Variants in CTBP2 observed in about 807,000 individuals in gnomAD.
CTBP2 encodes C-terminal-binding protein 2.
Under a neutral mutation model 80.3 loss-of-function variants are expected in CTBP2, and 30 were observed. The ratio of observed to expected loss-of-function variants is 0.37; its 90% CI spans 0.28 to 0.51. The LOEUF is 0.51. Among genes scored for constraint, CTBP2 ranks in the 20% least tolerant of loss-of-function variants. The pLI, the probability that CTBP2 is intolerant of heterozygous loss-of-function variation, is 0.93. For synonymous variants in CTBP2, 594 were observed against 587.4 expected (o/e 1.01, Z -0.16); for missense variants, 1,212 against 1,375.3 (o/e 0.88, Z 1.88).
chr10:125,107,054 G>T (rs980440444), intron 2 of CTBP2, among the ~76,000 whole-genome samples: 2 of 152,228 alleles, frequency 1.3e-5, no homozygotes, highest in Non-Finnish European at 1.5e-5. Flanking sequence ...TTATCCTTGG[G>T]GGGTGGAGGG....
At chr10:125,085,062 CT>C (rs1847776697) in intron 2 of CTBP2, among the ~76,000 whole-genome samples, 1 of 152,224 alleles carries the variant, frequency 6.6e-6, no homozygotes, top group Admixed American at 6.5e-5. Context: ...CACTCCAGGT[CT>C]TGGCTCATGA....
chr10:125,081,119 C>T (rs367944162), intron 2 of CTBP2, among the ~76,000 whole-genome samples: 30 of 152,260 alleles, frequency 2.0e-4, no homozygotes, highest in African/African-American at 6.0e-4. Flanking sequence ...TGAGCATTCC[C>T]GCCCAAAGTG....
At chr10:125,098,708 C>CAGAGAG (rs1850045599) in intron 2 of CTBP2, among the ~76,000 whole-genome samples, 2 of 65,698 alleles carry the variant, frequency 3.0e-5, no homozygotes, top group African/African-American at 7.0e-5. Context: ...GAGAGAGAGA[C>CAGAGAG]AGAGAGAGAG....
At chr10:125,071,438 C>A (rs2135455997) in intron 2 of CTBP2, among the ~76,000 whole-genome samples, 1 of 152,368 alleles carries the variant, frequency 6.6e-6, no homozygotes, top group East Asian at 1.9e-4. Context: ...TACAGTGAGC[C>A]TGAGCCCAAG....
chr10:125,018,784 C>T (rs535211128), intron 1 of CTBP2, among the ~76,000 whole-genome samples: 40 of 152,332 alleles, frequency 2.6e-4, no homozygotes, highest in African/African-American at 8.2e-4. Flanking sequence ...ACGCGCTCCC[C>T]GCCAACGCCA....
rs747312057 is a variant in CTBP2, at chr10:125,026,810, G to A, written c.950C>T (p.Ser317Phe). The A allele has an allele frequency of 8.1e-6, 13 of 1,613,292 alleles. No homozygotes were observed. The highest frequency in any genetic ancestry group is 1.3e-5 in the African/African-American group (1 of 74,938). The change falls in exon 1 of 9, where the codon TCC becomes TTC. Residue 317 changes from serine (S) to phenylalanine (F), a missense_variant. Physicochemically the swap from Ser to Phe is radical, Grantham distance 155. Transcript: ENST00000309035. Reference sequence around the variant, plus strand: ...CTCCAGGGTAGCCAGGACGGCCGGGGAGTCAAAGCCCTGCTGCAGTAGGGC... The same window carrying A: ...CTCCAGGGTAGCCAGGACGGCCGGGAAGTCAAAGCCCTGCTGCAGTAGGGC...
At chr10:125,003,632 T>C (rs1052719259) in intron 1 of CTBP2, 140 bp from the exon 4 acceptor site, 10 of 583,144 alleles carry the variant, frequency 1.7e-5, no homozygotes, top group Non-Finnish European at 2.8e-5. Context: ...CGCCTCCACC[T>C]GCATCACCTT....
chr10:125,048,737 CG>C (rs1296144918), intron 2 of CTBP2, among the ~76,000 whole-genome samples: 5 of 152,160 alleles, frequency 3.3e-5, no homozygotes, highest in Non-Finnish European at 5.9e-5. Context: ...TTGGCAGAGA[CG>C]GAACACACAC....
At chr10:125,156,704 C>G (rs900352244) in intron 1 of CTBP2, among the ~76,000 whole-genome samples, 1 of 152,192 alleles carries the variant, frequency 6.6e-6, no homozygotes, top group Non-Finnish European at 1.5e-5. Flanking sequence ...TGCCTTGTAG[C>G]TGGCTACTCA....
intron 2 of CTBP2, among the ~76,000 whole-genome samples, chr10:125,050,157 T>TACAAGTAA (rs1962370730): frequency 6.6e-6 from 1 of 152,218 alleles, no homozygotes; most frequent in Non-Finnish European, 1.5e-5. Context: ...ACTCTATGCC[T>TACAAGTAA]GGGTCCTTAC....
At chr10:125,042,776 G>A (rs747707418) in intron 2 of CTBP2, among the ~76,000 whole-genome samples, 15 of 152,174 alleles carry the variant, frequency 9.9e-5, no homozygotes, top group Non-Finnish European at 1.6e-4. Context: ...TCCCCGCAGC[G>A]AATAATCATT....
chr10:125,160,414 T>TGGCGGTGGC (rs1265947296), exon 1 of CTBP2: 4 of 89,790 alleles, frequency 4.5e-5, no homozygotes, highest in African/African-American at 1.8e-4. Context: ...CCGGCGGCGG[T>TGGCGGTGGC]GGCGGTGGCG....
intron 1 of CTBP2, among the ~76,000 whole-genome samples, chr10:125,119,825 A>G (rs1029564771): frequency 1.3e-5 from 2 of 152,214 alleles, no homozygotes; most frequent in African/African-American, 2.4e-5. Context: ...GTGAGCTGTG[A>G]GCTCCTGTCA....
At chr10:125,059,121 C>A (rs1007253539) in intron 2 of CTBP2, among the ~76,000 whole-genome samples, 1 of 152,058 alleles carries the variant, frequency 6.6e-6, no homozygotes, top group African/African-American at 2.4e-5. Flanking sequence ...TTTGCTGGTG[C>A]TAAACAAAGT....
chr10:125,103,909 G>A (rs1564926984), intron 2 of CTBP2, among the ~76,000 whole-genome samples: 1 of 152,086 alleles, frequency 6.6e-6, no homozygotes, highest in Non-Finnish European at 1.5e-5. Flanking sequence ...CTACATCCCT[G>A]AGGAAACTGA....
rs141015814 is a variant in CTBP2, at chr10:125,047,983, A to C, written c.-101-8828T>G. Among the ~76,000 whole-genome samples, 340 of 152,338 alleles carry C rather than the reference A, an allele frequency of 2.2e-3. 3 individuals are homozygous for C. Among genetic ancestry groups the C allele is most frequent in the Admixed American group, 0.02 (305 of 15,302 alleles). On this transcript the variant is annotated intron_variant, in intron 2 of 10. Coordinates refer to the CTBP2 transcript ENST00000337195. ...GATGTTTGCCTTTGAATTTTGCCTC[A>C]GAGAGGCCTGGAATCCTCGACTGAT...
At position 125,149,759 on chromosome 10, in the gene CTBP2, G is replaced by A. The variant is rs576753398; in HGVS notation, c.-206+10560C>T. On this transcript the variant is annotated intron_variant, in intron 1 of 10. Coordinates refer to the CTBP2 transcript ENST00000337195. Reference sequence around the variant, plus strand: ...CCTTGTGGGGACCTTACCCTCTATGGAAAGCCAAGGTCAACCTGGGAGCTC... The same window carrying A: ...CCTTGTGGGGACCTTACCCTCTATGAAAAGCCAAGGTCAACCTGGGAGCTC... 2.0e-5 allele frequency among the ~76,000 whole-genome samples: 3 copies of A among 152,326 alleles called. No homozygotes were observed. The East Asian group carries it at 5.8e-4, about 29-fold the overall frequency.
intron 4 of CTBP2, among the ~76,000 whole-genome samples, chr10:124,995,097 T>C (rs534867814): frequency 6.6e-6 from 1 of 152,318 alleles, no homozygotes; most frequent in Non-Finnish European, 1.5e-5. Flanking sequence ...TTTGAAAAAC[T>C]TGCTCTCAAT....
intron 1 of CTBP2, among the ~76,000 whole-genome samples, chr10:125,006,241 C>T (rs747593285): frequency 5.5e-5 from 8 of 144,584 alleles, no homozygotes; most frequent in South Asian, 2.4e-4. Context: ...CATGGCAAGG[C>T]GGGAAAAGAG....
Sources: gnomAD v4.1 joint callset for allele counts (sites outside exome capture counted in the v4.1 genomes callset) on GRCh38, gnomAD v4.1.1 for gene constraint, MANE v1.5 for transcripts, NCBI Gene and HGNC (gene_info 2026-07-23, HGNC 2026-07-21) for gene names.